TBC1D19: variants seen among roughly 807,000 people sequenced by gnomAD.
The protein encoded by TBC1D19 is TBC1 domain family, member 19.
TBC1D19 carries 60 observed loss-of-function variants against 89.0 expected under a neutral mutation model. The observed-to-expected ratio is 0.67, with a 90% confidence interval of 0.55 to 0.84. The LOEUF (loss-of-function observed/expected upper bound fraction) is 0.84, where lower values mean the gene tolerates loss of function less well. Ranked by LOEUF, TBC1D19 falls within the 40% of genes least tolerant of loss-of-function variation. TBC1D19 has a pLI of 0.00. For missense variants in TBC1D19, 500 were observed against 610.8 expected (o/e 0.82, Z 1.91); for synonymous variants, 189 against 199.7 (o/e 0.95, Z 0.45).
intron 20 of TBC1D19, chr4:26,754,204 C>T (rs1719140494): frequency 4.3e-6 from 1 of 231,932 alleles, no homozygotes; most frequent in Non-Finnish European, 8.6e-6. Flanking sequence ...CGTTCATGTC[C>T]ATGCATTATT....
intron 13 of TBC1D19, among the ~76,000 whole-genome samples, chr4:26,699,289 A>G (rs1176764960): frequency 6.6e-6 from 1 of 152,226 alleles, no homozygotes; most frequent in African/African-American, 2.4e-5. Context: ...CCATCAGAGA[A>G]ATGCAAATCA....
At chr4:26,659,857 T>G in intron 8 of TBC1D19, 150 bp downstream of exon 8, 1 of 466,436 alleles carries the variant, frequency 2.1e-6, no homozygotes, top group South Asian at 5.7e-5. Context: ...AATATGTATA[T>G]AGAGAGAGCA....
At chr4:26,817,222 A>G in the TBC1D19 span, among the ~76,000 whole-genome samples, 1 of 152,200 alleles carries the variant, frequency 6.6e-6, no homozygotes, top group African/African-American at 2.4e-5. Context: ...TGGAATCCAC[A>G]ACCAAACTGA....
rs548194765 is a variant in TBC1D19, at chr4:26,652,399, A to T, written c.481-7198A>T. On this transcript the variant is annotated intron_variant, in intron 7 of 20. Coordinates refer to ENST00000264866, the MANE Select transcript of TBC1D19 (RefSeq NM_018317.4). The stretch of plus-strand genomic sequence containing the variant: ...TATTGCCTCAATTTCAGAGCCTGTT[A>T]TTTTTTTGTTTTTCCTTTTTGTGGA... 4.0e-5 allele frequency among the ~76,000 whole-genome samples: 6 copies of T among 151,858 alleles called. No individual in the cohort carries two copies. In the East Asian group the frequency reaches 1.2e-3, roughly 29 times the overall value.
At chr4:26,839,954 C>T in the TBC1D19 span, among the ~76,000 whole-genome samples, 2 of 152,040 alleles carry the variant, frequency 1.3e-5, no homozygotes, top group African/African-American at 2.4e-5. Flanking sequence ...GCTGCTGTCT[C>T]TGGTTGATTT....
chr4:26,794,784 A>T, the TBC1D19 span, among the ~76,000 whole-genome samples: 12 of 152,136 alleles, frequency 7.9e-5, no homozygotes, highest in Non-Finnish European at 1.6e-4. Context: ...AGTAAAAGAA[A>T]AAAACAGCAG....
intron 7 of TBC1D19, among the ~76,000 whole-genome samples, chr4:26,644,233 G>A (rs1192658550): frequency 1.3e-5 from 2 of 152,134 alleles, no homozygotes; most frequent in Non-Finnish European, 2.9e-5. Context: ...CCAAGATCAA[G>A]TCGGTTTCAT....
intron 1 of TBC1D19, among the ~76,000 whole-genome samples, chr4:26,590,811 T>TG (rs1739738268): frequency 8.0e-6 from 1 of 125,784 alleles, no homozygotes; most frequent in African/African-American, 3.0e-5. Context: ...TTTTTTTTTT[T>TG]TTTTTTTTTT....
the TBC1D19 span, among the ~76,000 whole-genome samples, chr4:26,780,103 A>T: frequency 6.6e-6 from 1 of 152,246 alleles, no homozygotes; most frequent in Non-Finnish European, 1.5e-5. Context: ...TAACCTCTAC[A>T]GAAGAGCAAA....
At chr4:26,849,196 AC>A in the TBC1D19 span, among the ~76,000 whole-genome samples, 1 of 68,248 alleles carries the variant, frequency 1.5e-5, no homozygotes, top group East Asian at 3.5e-4. Flanking sequence ...ATACACACAC[AC>A]ACAAACACAC....
chr4:26,638,824 T>A lies in TBC1D19; in HGVS notation c.423T>A (p.Thr141=). The part of the protein sequence containing the change: ...ELLNKWNEMG[T]DEPDLSLFRP... ...TTAATAAATGGAATGAAATGGGAAC[T>A]GATGAACCAGGTATGTGAACAATTT... The change falls in exon 6 of 21, where the codon ACT becomes ACA. Residue 141 remains threonine, a synonymous_variant. Transcript: ENST00000264866. 1.9e-6 allele frequency: 3 copies of A among 1,608,662 alleles called. No homozygotes were observed. Among genetic ancestry groups the A allele is most frequent in the Non-Finnish European group, 2.5e-6 (3 of 1,177,956 alleles).
At chr4:26,677,578 C>T (rs1243651467) in intron 11 of TBC1D19, among the ~76,000 whole-genome samples, 2 of 152,124 alleles carry the variant, frequency 1.3e-5, no homozygotes, top group Non-Finnish European at 2.9e-5. Context: ...GCCTCGGCCT[C>T]CCAATACCCT....
intron 11 of TBC1D19, among the ~76,000 whole-genome samples, chr4:26,678,210 G>T (rs992813272): frequency 2.0e-5 from 3 of 152,212 alleles, no homozygotes; most frequent in Non-Finnish European, 4.4e-5. Context: ...TGAGGAACTT[G>T]TTGGGAACTG....
intron 4 of TBC1D19, among the ~76,000 whole-genome samples, chr4:26,628,660 A>G (rs1168325976): frequency 6.6e-6 from 1 of 152,048 alleles, no homozygotes; most frequent in African/African-American, 2.4e-5. Flanking sequence ...CTTCAGCAAA[A>G]TCTCAGGATA....
intron 15 of TBC1D19, among the ~76,000 whole-genome samples, chr4:26,734,988 GTATATATGTATA>G (rs1560503873): frequency 6.6e-5 from 8 of 122,114 alleles, no homozygotes; most frequent in African/African-American, 2.3e-4. Flanking sequence ...ATATGTATAT[GTATATATGTATA>G]CACATATGTA....
chr4:26,827,900 T>G, the TBC1D19 span, among the ~76,000 whole-genome samples: 2 of 152,242 alleles, frequency 1.3e-5, no homozygotes, highest in African/African-American at 2.4e-5. Context: ...TTTATTAGGC[T>G]TTGAGATTAA....
chr4:26,580,551 C>T (rs1007008966), upstream of TBC1D19, among the ~76,000 whole-genome samples: 1 of 152,202 alleles, frequency 6.6e-6, no homozygotes, highest in East Asian at 1.9e-4. Flanking sequence ...AATATGACCT[C>T]GTTTGTTCCC....
intron 13 of TBC1D19, among the ~76,000 whole-genome samples, chr4:26,699,342 T>A (rs554149459): frequency 2.6e-4 from 40 of 152,196 alleles, no homozygotes; most frequent in African/African-American, 9.6e-4. Context: ...AGAATGATGA[T>A]CATTAAAAAG....
At chr4:26,653,632 CTTCT>C (rs775589158) in intron 7 of TBC1D19, among the ~76,000 whole-genome samples, 2 of 152,086 alleles carry the variant, frequency 1.3e-5, no homozygotes, top group Non-Finnish European at 2.9e-5. Context: ...ATGTAATGGC[CTTCT>C]TTGTCTCTTT....
Sources: allele counts gnomAD v4.1 joint callset (sites outside exome capture counted in the v4.1 genomes callset), GRCh38; gene constraint gnomAD v4.1.1; transcripts MANE v1.5; gene names NCBI Gene and HGNC (gene_info 2026-07-23, HGNC 2026-07-21).